HYAL4: variants seen among roughly 807,000 people sequenced by gnomAD.
HYAL4 encodes hyaluronidase-4.
In HYAL4, 37 loss-of-function variants were observed where a neutral mutation model predicts 35.2. That is an observed-to-expected ratio of 1.05 (90% confidence interval 0.81 to 1.38). HYAL4 has a LOEUF of 1.38. HYAL4 is among the 40% of genes most tolerant of loss of function. The pLI is 0.00. For missense variants in HYAL4, 572 were observed against 572.4 expected (o/e 1.00, Z 0.01); for synonymous variants, 198 against 203.2 (o/e 0.97, Z 0.22).
upstream of HYAL4, chr7:123,844,172 A>T (rs1806126687): frequency 6.6e-6 from 1 of 151,842 alleles, no homozygotes; most frequent in Non-Finnish European, 1.5e-5. Flanking sequence ...TGACCTACAG[A>T]TGGGGTTTTG....
intron 2 of HYAL4, among the ~76,000 whole-genome samples, chr7:123,863,881 G>A (rs1806631649): frequency 6.6e-6 from 1 of 152,130 alleles, no homozygotes; most frequent in Non-Finnish European, 1.5e-5. Context: ...TGGGGAAGGA[G>A]TGAGAAGGGA....
chr7:123,853,356 A>G (rs1806354842), intron 2 of HYAL4, among the ~76,000 whole-genome samples: 1 of 152,162 alleles, frequency 6.6e-6, no homozygotes, highest in South Asian at 2.1e-4. Context: ...TCAGTATGAT[A>G]TTGGCTGTGG....
At chr7:123,768,355 A>G in the HYAL4 span, among the ~76,000 whole-genome samples, 2 of 152,170 alleles carry the variant, frequency 1.3e-5, no homozygotes, top group Non-Finnish European at 1.5e-5. Flanking sequence ...TTAAGTATCT[A>G]TATTTTGTAC....
chr7:123,847,903 G>A (rs569830566), intron 1 of HYAL4, among the ~76,000 whole-genome samples, 186 bp from the exon 2 acceptor site: 66 of 152,224 alleles, frequency 4.3e-4, no homozygotes, highest in Admixed American at 7.8e-4. Context: ...AAGAGTCAAA[G>A]TTTTCTTTCT....
chr7:123,785,772 G>C, the HYAL4 span, among the ~76,000 whole-genome samples: 1 of 152,102 alleles, frequency 6.6e-6, no homozygotes, highest in Non-Finnish European at 1.5e-5. The surrounding 1 kb of genome is among the most constrained non-coding windows in gnomAD (Gnocchi z 4.5). Context: ...TTAAGGCATG[G>C]GACACATGGA....
At chr7:123,776,281 A>T in the HYAL4 span, among the ~76,000 whole-genome samples, 1 of 152,128 alleles carries the variant, frequency 6.6e-6, no homozygotes, top group East Asian at 1.9e-4. Flanking sequence ...AGGAAGTCTG[A>T]GGAAGCTTTA....
At chr7:123,769,733 C>G in the HYAL4 span, among the ~76,000 whole-genome samples, 1 of 151,618 alleles carries the variant, frequency 6.6e-6, no homozygotes, top group South Asian at 2.1e-4. Context: ...ATGCAAACAT[C>G]GGTCTGCTCT....
chr7:123,866,947 C>T (rs914165116), intron 2 of HYAL4, among the ~76,000 whole-genome samples: 9 of 152,222 alleles, frequency 5.9e-5, no homozygotes, highest in South Asian at 2.1e-4. Flanking sequence ...TGTGCCACCA[C>T]GCCAAGCTAA....
intron 3 of HYAL4, among the ~76,000 whole-genome samples, chr7:123,869,846 C>A (rs569922630): frequency 1.7e-4 from 25 of 149,004 alleles, no homozygotes; most frequent in Admixed American, 8.0e-4. Context: ...CACCCCCCCC[C>A]ACCCAGCTAA....
At position 123,876,666 on chromosome 7, in the gene HYAL4, A is replaced by G. The variant is rs1807033103; in HGVS notation, c.1045-88A>G. On this transcript the variant is annotated intron_variant, in intron 4 of 4. Transcript: ENST00000223026. ...CTGTGCTAGAAGCTCTAATTCTATC[A>G]GTACCAGCGAGAAACACTAAAATCG... 3.0e-6 allele frequency: 4 copies of G among 1,312,274 alleles called. No homozygotes were observed. In the South Asian group the frequency reaches 4.2e-5, roughly 14 times the overall value. 81.3% of individuals were successfully genotyped at this position (1,312,274 alleles called of 1,614,324 possible).
At chr7:123,808,496 A>ACCT in the HYAL4 span, among the ~76,000 whole-genome samples, 1 of 151,266 alleles carries the variant, frequency 6.6e-6, no homozygotes, top group East Asian at 2.0e-4. Flanking sequence ...CAGTAGGTTC[A>ACCT]CATTTCAGTG....
At chr7:123,851,489 G>A (rs554176025) in intron 2 of HYAL4, among the ~76,000 whole-genome samples, 37 of 152,120 alleles carry the variant, frequency 2.4e-4, no homozygotes, top group Middle Eastern at 3.4e-3. Flanking sequence ...GAGAACATGC[G>A]GTGTTTGGTT....
At chr7:123,862,425 T>A (rs1209441043) in intron 2 of HYAL4, among the ~76,000 whole-genome samples, 1 of 152,162 alleles carries the variant, frequency 6.6e-6, no homozygotes, top group Admixed American at 6.5e-5. Flanking sequence ...CATGTAGATT[T>A]GGAAAATCAA....
the HYAL4 span, among the ~76,000 whole-genome samples, chr7:123,791,088 C>T: frequency 2.6e-5 from 4 of 152,108 alleles, no homozygotes; most frequent in East Asian, 1.9e-4. Flanking sequence ...GTATTTTTTT[C>T]GAAGAATAAA....
At chr7:123,768,351 A>G in the HYAL4 span, among the ~76,000 whole-genome samples, 3 of 152,210 alleles carry the variant, frequency 2.0e-5, no homozygotes, top group African/African-American at 7.2e-5. Context: ...TAATTTAAGT[A>G]TCTATATTTT....
chr7:123,802,544 T>C, the HYAL4 span, among the ~76,000 whole-genome samples: 4 of 152,152 alleles, frequency 2.6e-5, no homozygotes, highest in African/African-American at 9.6e-5. Context: ...CTACATTTAT[T>C]ATTAATATAA....
Position 123,833,487 on chromosome 7 carries a change from T to G in HYAL4, c.-257+4363T>G, listed in dbSNP as rs1044320508. Among the ~76,000 whole-genome samples the G allele has an allele frequency of 2.0e-5, 3 of 152,232 alleles. No homozygotes were observed. In the South Asian group the frequency reaches 6.2e-4, roughly 31 times the overall value. On this transcript the variant is annotated intron_variant, in intron 1 of 4. Transcript: ENST00000489978. Reference sequence around the variant, plus strand: ...GTAGATTCTGGATATTAGTCCTTTGTCTGATGTATAGATTTTTAAGATTTT... The same window carrying G: ...GTAGATTCTGGATATTAGTCCTTTGGCTGATGTATAGATTTTTAAGATTTT...
chr7:123,876,940 G>A lies in HYAL4; in HGVS notation c.1231G>A (p.Glu411Lys), dbSNP rs752946650. 1 of 1,614,190 alleles carries A rather than the reference G, an allele frequency of 6.2e-7. No homozygotes were observed. Reference protein sequence around the residue: ...NPASYHIEASEDGEFTVKGKA... With the variant: ...NPASYHIEASKDGEFTVKGKA... ...TGCAAGTTACCACATAGAGGCCTCT[G>A]AGGACGGGGAGTTTACTGTGAAAGG... The change falls in exon 5 of 5, where the codon GAG becomes AAG. Residue 411 changes from glutamate (E) to lysine (K), a missense_variant. Coordinates refer to ENST00000223026, the MANE Select transcript of HYAL4 (RefSeq NM_012269.3).
At chr7:123,851,307 G>A (rs780131934) in intron 2 of HYAL4, among the ~76,000 whole-genome samples, 15 of 151,868 alleles carry the variant, frequency 9.9e-5, no homozygotes, top group African/African-American at 1.5e-4. Flanking sequence ...GGTTTGTTAC[G>A]TAGCTATACA....
Sources: allele counts gnomAD v4.1 joint callset (sites outside exome capture counted in the v4.1 genomes callset), GRCh38; gene constraint gnomAD v4.1.1; non-coding constraint Gnocchi (gnomAD v3.1); transcripts MANE v1.5; gene names NCBI Gene and HGNC (gene_info 2026-07-23, HGNC 2026-07-21).